Variants in NMT1 observed in about 807,000 individuals in gnomAD.
The protein encoded by NMT1 is glycylpeptide N-tetradecanoyltransferase 1.
A neutral mutation model predicts 63.4 loss-of-function variants in NMT1; 12 were observed. The ratio of observed to expected loss-of-function variants is 0.19; its 90% CI spans 0.12 to 0.31. NMT1 has a LOEUF of 0.31. NMT1 is among the 10% of genes least tolerant of loss of function. NMT1 has a pLI of 1.00. For synonymous variants in NMT1, 228 were observed against 234.3 expected (o/e 0.97, Z 0.25); for missense variants, 432 against 634.6 (o/e 0.68, Z 3.43).
At chr17:45,094,814 C>CTTTT (rs770599475) in intron 4 of NMT1, among the ~76,000 whole-genome samples, 3 of 116,688 alleles carry the variant, frequency 2.6e-5, no homozygotes, top group Admixed American at 9.0e-5. Flanking sequence ...CTAGGCCTGG[C>CTTTT]TTTTTTTTTT....
rs1269479940 is a variant in NMT1, at chr17:45,108,526, C to T, written c.*2887C>T. ...GAGTCCCTGTGGTCCTGAATTCTTT[C>T]CCCAAAGACGACCAGCATTTAACCA... is the stretch of plus-strand genomic sequence containing the variant. On this transcript the variant is annotated 3_prime_UTR_variant, in exon 12 of 12. Coordinates refer to ENST00000258960, the MANE Select transcript of NMT1 (RefSeq NM_021079.5). 1 of 152,702 alleles carries T rather than the reference C, an allele frequency of 6.5e-6. No individual in the cohort carries two copies. The highest frequency in any genetic ancestry group is 1.5e-5 in the Non-Finnish European group (1 of 68,082). The allele number at this position is 152,702 out of a possible 1,614,324, so 9.5% of individuals were successfully genotyped here.
intron 8 of NMT1, among the ~76,000 whole-genome samples, chr17:45,101,369 A>C (rs2054164676): frequency 6.7e-6 from 1 of 150,208 alleles, no homozygotes; most frequent in South Asian, 2.1e-4. Flanking sequence ...TCACGCCTGT[A>C]ATCCCAGCAC....
In NMT1 at chr17:45,099,516, C is replaced by T. The variant is rs1247530460; in HGVS notation, c.993+3C>T. On this transcript the variant is annotated splice_donor_region_variant and intron_variant, in intron 8 of 11. Transcript: ENST00000258960. ...TGAAGCTCTACCGACTGCCAGAGGCCAGTGCTGCCCCGGGTGGTGGGCAGG... is the reference window on the plus strand; with the variant it reads ...TGAAGCTCTACCGACTGCCAGAGGCTAGTGCTGCCCCGGGTGGTGGGCAGG... 3 of 1,606,734 alleles carry T rather than the reference C, an allele frequency of 1.9e-6. No individual in the cohort carries two copies. Among genetic ancestry groups the T allele is most frequent in the Non-Finnish European group, 1.7e-6 (2 of 1,173,276 alleles).
Position 45,103,668 on chromosome 17 carries a change from T to C in NMT1, c.1165-41T>C, listed in dbSNP as rs1009488904. ...TTTTGTTCCCGGGCCGCAGTGCCACTGTGCATGCTTGACATTGCCTCTTTA... is the reference window on the plus strand; with the variant it reads ...TTTTGTTCCCGGGCCGCAGTGCCACCGTGCATGCTTGACATTGCCTCTTTA... On this transcript the variant is annotated intron_variant, in intron 9 of 11. Coordinates refer to ENST00000258960, the MANE Select transcript of NMT1 (RefSeq NM_021079.5). The surrounding 1 kb of genome is among the most constrained non-coding windows in gnomAD (Gnocchi z 4.8). 7 of 1,574,390 alleles carry C rather than the reference T, an allele frequency of 4.4e-6. No homozygotes were observed. The Admixed American group carries it at 7.2e-5, about 16-fold the overall frequency.
At chr17:45,083,832 C>G (rs2143485222) in intron 2 of NMT1, 1 of 152,242 alleles carries the variant, frequency 6.6e-6, no homozygotes, top group East Asian at 1.9e-4. Flanking sequence ...AGGTTGATCT[C>G]TAACTCAGGC....
chr17:45,093,632 T>A, intron 3 of NMT1, 53 bp from the exon 4 acceptor site: 1 of 1,495,606 alleles, frequency 6.7e-7, no homozygotes, highest in East Asian at 2.3e-5. Context: ...ACTGAGCCCT[T>A]TACTGCCCCG....
chr17:45,089,062 C>G (rs1247332422), intron 3 of NMT1, among the ~76,000 whole-genome samples: 1 of 152,224 alleles, frequency 6.6e-6, no homozygotes, highest in Non-Finnish European at 1.5e-5. Context: ...CAGGGTCAGT[C>G]AAGCCCCAGT....
Position 45,105,098 on chromosome 17 carries a change from C to T in NMT1, c.1470+102C>T. 2 of 1,467,970 alleles carry T rather than the reference C, an allele frequency of 1.4e-6. No individual in the cohort carries two copies. The highest frequency in any genetic ancestry group is 1.9e-6 in the Non-Finnish European group (2 of 1,071,732). 90.9% of individuals were successfully genotyped at this position (1,467,970 alleles called of 1,614,324 possible). A position where few individuals can be genotyped will look rare whatever the true frequency, so the allele number is the denominator to read the frequency against. On this transcript the variant is annotated intron_variant, in intron 11 of 11. Transcript: ENST00000258960. This position sits in a 1 kb window ranked among gnomAD's most constrained non-coding sequence, Gnocchi z 4.2. ...TGAGGAGACAGCCGCAGTCTGGGTCCTTGTTACCTCGAGTTGAACCTTTGA... is the reference window on the plus strand; with the variant it reads ...TGAGGAGACAGCCGCAGTCTGGGTCTTTGTTACCTCGAGTTGAACCTTTGA...
chr17:45,076,858 A>T (rs2053980946), intron 1 of NMT1, among the ~76,000 whole-genome samples: 1 of 152,196 alleles, frequency 6.6e-6, no homozygotes, highest in Non-Finnish European at 1.5e-5. Flanking sequence ...GCTTGTACAA[A>T]TTCAAGCCAA....
intron 1 of NMT1, among the ~76,000 whole-genome samples, chr17:45,078,099 G>A (rs1043894093): frequency 6.6e-6 from 1 of 152,156 alleles, no homozygotes; most frequent in Admixed American, 6.6e-5. Context: ...TGCATCAGGG[G>A]CACTGAGAGG....
At chr17:45,061,905 C>T (rs2143438411) in intron 1 of NMT1, 1 of 155,560 alleles carries the variant, frequency 6.4e-6, no homozygotes, top group East Asian at 1.9e-4. Flanking sequence ...TCAGACTATA[C>T]AAACTGTATG....
intron 1 of NMT1, among the ~76,000 whole-genome samples, chr17:45,063,158 T>A (rs1449692437): frequency 2.3e-5 from 3 of 127,770 alleles, no homozygotes; most frequent in African/African-American, 6.2e-5. Context: ...TGAGCTGAGA[T>A]CACGCCACTG....
At chr17:45,084,343 T>TA (rs1344731407) in intron 2 of NMT1, among the ~76,000 whole-genome samples, 3 of 151,004 alleles carry the variant, frequency 2.0e-5, no homozygotes, top group Non-Finnish European at 3.0e-5. Context: ...AAACTTTTTT[T>TA]TTTTTTTGCG....
At chr17:45,065,516 C>T (rs971177785) in intron 1 of NMT1, among the ~76,000 whole-genome samples, 1 of 148,120 alleles carries the variant, frequency 6.8e-6, no homozygotes, top group Non-Finnish European at 1.5e-5. Context: ...CCCAGCTACT[C>T]GGGAGGCTGA....
chr17:45,065,942 G>A (rs2053899994), intron 1 of NMT1, among the ~76,000 whole-genome samples: 2 of 151,152 alleles, frequency 1.3e-5, no homozygotes, highest in South Asian at 4.2e-4. Flanking sequence ...AAACTCCTGG[G>A]TTCAAGTGAT....
chr17:45,073,719 A>G (rs2143464394), intron 1 of NMT1, among the ~76,000 whole-genome samples: 1 of 152,332 alleles, frequency 6.6e-6, no homozygotes, highest in East Asian at 1.9e-4. Flanking sequence ...GAACGAAGCC[A>G]TAGCCTTTGG....
At chr17:45,095,939 G>C (rs2054122696) in intron 4 of NMT1, among the ~76,000 whole-genome samples, 1 of 152,184 alleles carries the variant, frequency 6.6e-6, no homozygotes, top group Admixed American at 6.6e-5. Context: ...TGATGGCGCA[G>C]AATGATGAAG....
intron 1 of NMT1, among the ~76,000 whole-genome samples, chr17:45,070,659 C>T (rs57207815): frequency 0.096 from 14,484 of 150,198 alleles, 763 homozygotes; most frequent in Admixed American, 0.15. Context: ...CCTCATGATC[C>T]GCCCACCTCG....
At chr17:45,063,268 T>G (rs2053880064) in intron 1 of NMT1, among the ~76,000 whole-genome samples, 1 of 151,760 alleles carries the variant, frequency 6.6e-6, no homozygotes, top group Admixed American at 6.6e-5. Flanking sequence ...CTTGCCAAAT[T>G]TAGTTTTTAT....
Sources: allele counts gnomAD v4.1 joint callset (sites outside exome capture counted in the v4.1 genomes callset), GRCh38; gene constraint gnomAD v4.1.1; non-coding constraint Gnocchi (gnomAD v3.1); transcripts MANE v1.5; gene names NCBI Gene and HGNC (gene_info 2026-07-23, HGNC 2026-07-21).